The following NFIX variants were observed in gnomAD, a reference collection of about 807,000 sequenced individuals.
NFIX encodes nuclear factor I X.
In NFIX, 2 loss-of-function variants were observed where a neutral mutation model predicts 53.3. The observed-to-expected ratio is 0.04, with a 90% CI of 0.02 to 0.12. NFIX has a LOEUF of 0.12. NFIX is among the 10% of genes least tolerant of loss of function. The probability of loss-of-function intolerance (pLI) is 1.00; values close to 1 mark genes in which losing one functional copy is unlikely to be tolerated. For missense variants in NFIX, 310 were observed against 674.5 expected (o/e 0.46, Z 5.99); for synonymous variants, 244 against 289.0 (o/e 0.84, Z 1.58).
intron 1 of NFIX, among the ~76,000 whole-genome samples, chr19:13,016,134 C>T (rs968960879): frequency 6.6e-6 from 1 of 152,060 alleles, no homozygotes; most frequent in Admixed American, 6.6e-5. Flanking sequence ...TTATACCTGC[C>T]TTGCTTCAGT....
chr19:13,024,096 TCAAA>T (rs903750080), intron 1 of NFIX: 133 of 662,810 alleles, frequency 2.0e-4, no homozygotes, highest in Non-Finnish European at 2.9e-4. Flanking sequence ...TATTTAAACT[TCAAA>T]CAAGCAAACA....
rs749311530 is a variant in NFIX at position 13,012,076 on chromosome 19, G to A, written c.28-12945G>A. 11 of 152,004 alleles carry A rather than the reference G, an allele frequency of 7.2e-5. No individual in the cohort carries two copies. Among genetic ancestry groups the A allele is most frequent in the Non-Finnish European group, 1.3e-4 (9 of 68,014 alleles). The allele number at this position is 152,004 out of a possible 1,614,324, so 9.4% of individuals were successfully genotyped here. ...AGGAGGCCCAGAACCGGGGCGCGAA[G>A]GGGCCGCGGGACACGAGCGGGCCGT... On this transcript the variant is annotated intron_variant, in intron 1 of 10. Transcript: ENST00000592199. The surrounding 1 kb of genome is among the most constrained non-coding windows in gnomAD (Gnocchi z 5.0).
rs978960063 is a variant in NFIX, at chr19:13,005,743, C to G, written c.27+9879C>G. On this transcript the variant is annotated intron_variant, in intron 1 of 10. Transcript: ENST00000592199. The surrounding 1 kb of genome is among the most constrained non-coding windows in gnomAD (Gnocchi z 4.7). ...CCAAATTTCAAAATGGGTCTGCACACCCCCACGCCCCCATTTGAAACGTGC... is the reference window on the plus strand; with the variant it reads ...CCAAATTTCAAAATGGGTCTGCACAGCCCCACGCCCCCATTTGAAACGTGC... 6.6e-6 allele frequency among the ~76,000 whole-genome samples: 1 copy of G among 152,148 alleles called. No homozygotes were observed. The highest frequency in any genetic ancestry group is 1.5e-5 in the Non-Finnish European group (1 of 68,032).
intron 5 of NFIX, among the ~76,000 whole-genome samples, chr19:13,074,380 C>T (rs777413612): frequency 5.3e-5 from 8 of 152,166 alleles, no homozygotes; most frequent in African/African-American, 1.9e-4. Flanking sequence ...AGAGGGTAGC[C>T]TGTATCCCAG....
intron 2 of NFIX, among the ~76,000 whole-genome samples, chr19:13,050,256 C>G (rs773159399): frequency 1.3e-5 from 2 of 152,202 alleles, no homozygotes; most frequent in African/African-American, 2.4e-5. Context: ...CTCTATAGCC[C>G]CTGAGTGTGC....
rs1460704236 is a variant in NFIX at position 13,051,854 on chromosome 19, G to A, written c.560-21193G>A. ...TGCCGCCTTAGCAGGTGCCTGGAGG[G>A]GGCGGGGCGGCTCCCGGGAGCAGCC... On this transcript the variant is annotated intron_variant, in intron 2 of 10. Transcript: ENST00000592199. This position sits in a 1 kb window ranked among gnomAD's most constrained non-coding sequence, Gnocchi z 5.1. Among the ~76,000 whole-genome samples, 3 of 152,212 alleles carry A rather than the reference G, an allele frequency of 2.0e-5. No individual in the cohort carries two copies. Among genetic ancestry groups the A allele is most frequent in the Non-Finnish European group, 2.9e-5 (2 of 68,042 alleles).
chr19:13,076,499 C>T (rs2017111457), intron 6 of NFIX, among the ~76,000 whole-genome samples: 1 of 152,194 alleles, frequency 6.6e-6, no homozygotes, highest in Admixed American at 6.5e-5. Flanking sequence ...TGTGAGGAGG[C>T]TGGCCGCAAG....
rs1414481588 is a variant in NFIX, at chr19:13,072,923, G to A, written c.560-124G>A. 4.3e-6 allele frequency: 4 copies of A among 922,166 alleles called. No individual in the cohort carries two copies. Among genetic ancestry groups the A allele is most frequent in the Non-Finnish European group, 7.2e-6 (4 of 556,458 alleles). The allele number at this position is 922,166 out of a possible 1,614,324, so 57.1% of individuals were successfully genotyped here. ...GGCTGGTTTGGGGAGAGGGTGGGGT[G>A]AAGGTTTCTGTAGCCAGGGTGGGCC... On this transcript the variant is annotated intron_variant, in intron 2 of 10. Transcript: ENST00000592199. The surrounding 1 kb of genome is among the most constrained non-coding windows in gnomAD (Gnocchi z 4.0).
intron 2 of NFIX, among the ~76,000 whole-genome samples, chr19:13,063,910 T>C (rs2016244345): frequency 6.6e-6 from 1 of 151,816 alleles, no homozygotes; most frequent in Admixed American, 6.6e-5. Context: ...CCCTGGGAGG[T>C]TGGGACACTA....
intron 1 of NFIX, among the ~76,000 whole-genome samples, chr19:13,017,201 C>CGGA (rs1163486168): frequency 6.6e-6 from 1 of 151,930 alleles, no homozygotes; most frequent in Non-Finnish European, 1.5e-5. Flanking sequence ...CGGGGAGGGA[C>CGGA]GGAGCGTGGC....
In NFIX at chr19:12,998,322, T is replaced by C. The variant is rs62109891; in HGVS notation, c.27+2458T>C. 6.6e-6 allele frequency among the ~76,000 whole-genome samples: 1 copy of C among 151,894 alleles called. No homozygotes were observed. The highest frequency in any genetic ancestry group is 1.9e-4 in the East Asian group (1 of 5,194). The stretch of plus-strand genomic sequence containing the variant: ...GTCTCTCTGGCCTGCCTCTCTCTCT[T>C]TCCCTCTCTCTCTCTCCCTTTTCTT... On this transcript the variant is annotated intron_variant, in intron 1 of 10. Transcript: ENST00000592199. This position sits in a 1 kb window ranked among gnomAD's most constrained non-coding sequence, Gnocchi z 4.4.
Position 13,087,312 on chromosome 19 carries a change from T to C in NFIX, c.1255-677T>C, listed in dbSNP as rs911449430. Among the ~76,000 whole-genome samples the C allele has an allele frequency of 8.5e-5, 13 of 152,190 alleles. No homozygotes were observed. The East Asian group carries it at 2.5e-3, about 29-fold the overall frequency. On this transcript the variant is annotated intron_variant, in intron 8 of 10. Coordinates refer to ENST00000592199, the MANE Select transcript of NFIX (RefSeq NM_001365902.3). ...GCATCCATGGCGTCTGAGGGCGTTG[T>C]ACAGGGAAGTCCTCCTGAAGAACCT...
In NFIX at chr19:13,028,786, G is replaced by A. The variant is rs2013570921; in HGVS notation, c.559+3234G>A. 6.6e-6 allele frequency among the ~76,000 whole-genome samples: 1 copy of A among 152,132 alleles called. No individual in the cohort carries two copies. Among genetic ancestry groups the A allele is most frequent in the South Asian group, 2.1e-4 (1 of 4,824 alleles). On this transcript the variant is annotated intron_variant, in intron 2 of 10. Transcript: ENST00000592199. This position sits in a 1 kb window ranked among gnomAD's most constrained non-coding sequence, Gnocchi z 4.2. ...GGTGGCCAGGGACGGGTGAGCTGGG[G>A]AGGGCCAGGAGAGAGATCTCTGCTT...
chr19:13,061,647 A>G (rs1265026009), intron 2 of NFIX, among the ~76,000 whole-genome samples: 2 of 152,144 alleles, frequency 1.3e-5, no homozygotes, highest in African/African-American at 4.8e-5. Flanking sequence ...GCCTGGGGAA[A>G]ACCTCTTTTT....
At position 13,036,969 on chromosome 19, in the gene NFIX, AG is replaced by A. The variant is rs2145246039; in HGVS notation, c.559+11420del. 6.6e-6 allele frequency among the ~76,000 whole-genome samples: 1 copy of A among 152,290 alleles called. No individual in the cohort carries two copies. Among genetic ancestry groups the A allele is most frequent in the East Asian group, 1.9e-4 (1 of 5,184 alleles). ...GGACCAAGTGAAGAAAGGCCTTTAA[AG>A]GGAGGAGGCAAATGGATAGGAAGCT... On this transcript the variant is annotated intron_variant, in intron 2 of 10. Transcript: ENST00000592199. This position sits in a 1 kb window ranked among gnomAD's most constrained non-coding sequence, Gnocchi z 4.7.
chr19:13,007,974 A>G (rs1411006920), intron 1 of NFIX, among the ~76,000 whole-genome samples: 1 of 152,194 alleles, frequency 6.6e-6, no homozygotes, highest in Non-Finnish European at 1.5e-5. Context: ...CTACAGAGAC[A>G]CAGACATCAT....
rs1399483309 is a variant in NFIX, at chr19:13,097,153, CTGAG to C, written c.*2507_*2510del. ...CCGCCCTGCGCGGGGATAACGAAAG[CTGAG>C]TGTTTTTCCCTTTTTTTTGTTCGTT... On this transcript the variant is annotated 3_prime_UTR_variant, in exon 11 of 11. Coordinates refer to ENST00000592199, the MANE Select transcript of NFIX (RefSeq NM_001365902.3). 1 of 150,496 alleles carries C rather than the reference CTGAG, an allele frequency of 6.6e-6. No individual in the cohort carries two copies. The highest frequency in any genetic ancestry group is 1.5e-5 in the Non-Finnish European group (1 of 67,750). 9.3% of individuals were successfully genotyped at this position (150,496 alleles called of 1,614,324 possible). A position where few individuals can be genotyped will look rare whatever the true frequency, so the allele number is the denominator to read the frequency against.
At chr19:13,079,996 A>G (rs1253968866) in intron 7 of NFIX, among the ~76,000 whole-genome samples, 1 of 152,212 alleles carries the variant, frequency 6.6e-6, no homozygotes, top group Non-Finnish European at 1.5e-5. Context: ...TGCATATGTC[A>G]GACGGCCATC....
chr19:13,081,957 C>A lies in NFIX; in HGVS notation c.1254+102C>A. On this transcript the variant is annotated intron_variant, in intron 8 of 10. Coordinates refer to ENST00000592199, the MANE Select transcript of NFIX (RefSeq NM_001365902.3). This position sits in a 1 kb window ranked among gnomAD's most constrained non-coding sequence, Gnocchi z 4.7. The stretch of plus-strand genomic sequence containing the variant: ...AGAGGGCCCAAAAGCCAGGAGCCCA[C>A]CTGGGGCTGGAGCAGCAGGGAGCTG... 7.1e-7 allele frequency: 1 copy of A among 1,412,642 alleles called. No homozygotes were observed. Among genetic ancestry groups the A allele is most frequent in the East Asian group, 2.4e-5 (1 of 41,040 alleles). The allele number at this position is 1,412,642 out of a possible 1,614,324, so 87.5% of individuals were successfully genotyped here.
Sources: allele counts gnomAD v4.1 joint callset (sites outside exome capture counted in the v4.1 genomes callset), GRCh38; gene constraint gnomAD v4.1.1; non-coding constraint Gnocchi (gnomAD v3.1); transcripts MANE v1.5; gene names NCBI Gene and HGNC (gene_info 2026-07-23, HGNC 2026-07-21).